MAGI1: variants seen among roughly 807,000 people sequenced by gnomAD.
MAGI1 encodes membrane associated guanylate kinase, WW and PDZ domain containing 1.
A neutral mutation model predicts 139.9 loss-of-function variants in MAGI1; 58 were observed. That is an observed-to-expected ratio of 0.41 (90% CI 0.34 to 0.52). The LOEUF is 0.52. MAGI1 is among the 20% of genes least tolerant of loss of function. The pLI, the probability that MAGI1 is intolerant of heterozygous loss-of-function variation, is 0.12. For synonymous variants in MAGI1, 812 were observed against 737.9 expected (o/e 1.10, Z -1.63); for missense variants, 1,874 against 1,901.6 (o/e 0.99, Z 0.27).
At chr3:65,701,995 ATTTAT>A (rs1411361825) in intron 1 of MAGI1, among the ~76,000 whole-genome samples, 3 of 151,986 alleles carry the variant, frequency 2.0e-5, no homozygotes, top group African/African-American at 7.2e-5. Flanking sequence ...TTGTTATTTT[ATTTAT>A]TTATTTTTTT....
In MAGI1 at chr3:65,448,010, G is replaced by A. The variant is rs114606672; in HGVS notation, c.1078+12C>T. ...ACGTGTCATGCAGCAGCAGCAGGCAGGGAGGGTTTACCTAGTTCACTGTCC... is the reference window on the plus strand; with the variant it reads ...ACGTGTCATGCAGCAGCAGCAGGCAAGGAGGGTTTACCTAGTTCACTGTCC... On this transcript the variant is annotated intron_variant, in intron 7 of 22. Transcript: ENST00000402939. 5.0e-4 allele frequency: 812 copies of A among 1,614,060 alleles called. 2 individuals carry two copies. The highest frequency in any genetic ancestry group is 6.7e-4 in the Non-Finnish European group (785 of 1,179,938).
At chr3:65,577,048 T>G (rs2081208579) in intron 2 of MAGI1, among the ~76,000 whole-genome samples, 1 of 152,192 alleles carries the variant, frequency 6.6e-6, no homozygotes, top group African/African-American at 2.4e-5. Flanking sequence ...CACATTAAGT[T>G]CGATCCACAT....
At chr3:65,443,505 G>A (rs1948481558) in intron 7 of MAGI1, among the ~76,000 whole-genome samples, 1 of 152,152 alleles carries the variant, frequency 6.6e-6, no homozygotes, top group Non-Finnish European at 1.5e-5. Flanking sequence ...AATGGCACTG[G>A]GGGATGTATG....
intron 1 of MAGI1, among the ~76,000 whole-genome samples, chr3:65,638,626 T>G (rs994383140): frequency 8.5e-6 from 1 of 117,708 alleles, no homozygotes; most frequent in African/African-American, 3.7e-5. Context: ...TTTTTTTTTT[T>G]TCAGACAGAG....
chr3:65,912,894 A>G (rs2061728753), intron 1 of MAGI1, among the ~76,000 whole-genome samples: 4 of 152,238 alleles, frequency 2.6e-5, no homozygotes, highest in South Asian at 2.1e-4. Context: ...AAAACCAGAC[A>G]CAGCACCTAT....
intron 11 of MAGI1, among the ~76,000 whole-genome samples, chr3:65,430,490 A>G (rs1392085927): frequency 6.6e-6 from 1 of 152,194 alleles, no homozygotes; most frequent in Non-Finnish European, 1.5e-5. Context: ...CCCAAACTTA[A>G]AATGACTTCA....
At chr3:65,819,875 CAAAAAAAAAAAA>C (rs3077818) in intron 1 of MAGI1, among the ~76,000 whole-genome samples, 5 of 33,454 alleles carry the variant, frequency 1.5e-4, no homozygotes, top group African/African-American at 3.4e-4. Context: ...GACTCCATCT[CAAAAAAAAAAAA>C]AAAAAAAAAA....
intron 1 of MAGI1, among the ~76,000 whole-genome samples, chr3:65,711,594 G>A (rs766187400): frequency 1.3e-5 from 2 of 152,128 alleles, no homozygotes; most frequent in Non-Finnish European, 2.9e-5. Context: ...TATTTACATA[G>A]GCCCTTTAAA....
At chr3:65,366,510 G>A (rs951170391) in intron 18 of MAGI1, among the ~76,000 whole-genome samples, 5 of 152,158 alleles carry the variant, frequency 3.3e-5, no homozygotes, top group African/African-American at 9.7e-5. Flanking sequence ...GTCCAAGCTG[G>A]GGAGGTGGTG....
At chr3:65,689,645 G>A (rs918026601) in intron 1 of MAGI1, among the ~76,000 whole-genome samples, 17 of 152,148 alleles carry the variant, frequency 1.1e-4, no homozygotes, top group Admixed American at 4.6e-4. Flanking sequence ...ACATCGTCTG[G>A]AATATTCAAA....
intron 1 of MAGI1, among the ~76,000 whole-genome samples, chr3:65,683,218 T>C (rs755081483): frequency 5.3e-5 from 8 of 151,966 alleles, no homozygotes; most frequent in Non-Finnish European, 7.4e-5. Context: ...ATACATGTCA[T>C]TATAAATTTA....
intron 1 of MAGI1, among the ~76,000 whole-genome samples, chr3:65,911,462 C>A (rs2061666911): frequency 6.6e-6 from 1 of 152,084 alleles, no homozygotes; most frequent in African/African-American, 2.4e-5. Context: ...TTTCTCAGAT[C>A]CTGTAAACTG....
At chr3:65,567,503 G>T (rs2177683) in intron 2 of MAGI1, among the ~76,000 whole-genome samples, 14,518 of 152,170 alleles carry the variant, frequency 0.095, 919 homozygotes, top group African/African-American at 0.16. Flanking sequence ...CCCTGTAATT[G>T]TATCCCAAAT....
chr3:65,976,908 T>C (rs971956914), intron 1 of MAGI1, among the ~76,000 whole-genome samples: 1 of 152,194 alleles, frequency 6.6e-6, no homozygotes, highest in Non-Finnish European at 1.5e-5. Flanking sequence ...GTACAACAGG[T>C]AGAAGGCATC....
intron 1 of MAGI1, among the ~76,000 whole-genome samples, chr3:65,964,533 G>A (rs902107976): frequency 2.0e-5 from 3 of 151,904 alleles, no homozygotes; most frequent in Admixed American, 1.3e-4. Context: ...TAGTGCGGGG[G>A]CGGGGGGAAC....
chr3:65,629,903 C>T (rs1189873017), intron 1 of MAGI1, among the ~76,000 whole-genome samples: 2 of 152,010 alleles, frequency 1.3e-5, no homozygotes, highest in Non-Finnish European at 2.9e-5. Flanking sequence ...GCTACAGAAC[C>T]ACATACTTAA....
chr3:65,845,320 T>C (rs1041370273), intron 1 of MAGI1, among the ~76,000 whole-genome samples: 1 of 150,958 alleles, frequency 6.6e-6, no homozygotes, highest in African/African-American at 2.4e-5. Context: ...GCACATAGAG[T>C]GTCGTGGTTA....
chr3:65,828,781 A>G, intron 1 of MAGI1, among the ~76,000 whole-genome samples: 1 of 152,240 alleles, frequency 6.6e-6, no homozygotes, highest in Non-Finnish European at 1.5e-5. Flanking sequence ...ATCTAATCAC[A>G]TGAGTTATTA....
intron 2 of MAGI1, among the ~76,000 whole-genome samples, chr3:65,556,271 C>T (rs1030858399): frequency 6.6e-6 from 1 of 152,176 alleles, no homozygotes; most frequent in Non-Finnish European, 1.5e-5. Flanking sequence ...GCTACTTACA[C>T]AAATTAAAAT....
Sources: allele counts gnomAD v4.1 joint callset (sites outside exome capture counted in the v4.1 genomes callset), GRCh38; gene constraint gnomAD v4.1.1; transcripts MANE v1.5; gene names NCBI Gene and HGNC (gene_info 2026-07-23, HGNC 2026-07-21).